TBCK: variants seen among roughly 807,000 people sequenced by gnomAD.
TBCK encodes TBC domain-containing protein kinase-like protein.
A neutral mutation model predicts 113.4 loss-of-function variants in TBCK; 99 were observed. The observed-to-expected ratio is 0.87, with a 90% CI of 0.74 to 1.03. The LOEUF is 1.03. Ranked by LOEUF, TBCK falls within the 50% of genes least tolerant of loss-of-function variation. TBCK has a pLI of 0.00. For missense variants in TBCK, 1,045 were observed against 1,061.3 expected, an observed-to-expected ratio of 0.98 and a Z score of 0.21; for synonymous variants, 369 against 370.8, an observed-to-expected ratio of 1.00 and a Z score of 0.05.
At chr4:106,236,952 T>C (rs116744057) in intron 12 of TBCK, 144 bp from the exon 13 acceptor site, 10,119 of 430,344 alleles carry the variant, frequency 0.024, 184 homozygotes, top group Middle Eastern at 0.05. Context: ...AATCAGTTCT[T>C]ACCATAAACA....
chr4:106,208,543 C>A (rs564506864), intron 20 of TBCK, among the ~76,000 whole-genome samples: 1 of 152,148 alleles, frequency 6.6e-6, no homozygotes, highest in African/African-American at 2.4e-5. Flanking sequence ...GAAGACTACC[C>A]AACTTCAGGT....
intron 23 of TBCK, among the ~76,000 whole-genome samples, chr4:106,158,802 A>G (rs1175962518): frequency 2.0e-5 from 3 of 152,170 alleles, no homozygotes; most frequent in Admixed American, 6.6e-5. Flanking sequence ...GTGTAAGCCC[A>G]GCATTACCCT....
At chr4:106,120,185 G>T (rs1257359030) in intron 23 of TBCK, among the ~76,000 whole-genome samples, 1 of 152,178 alleles carries the variant, frequency 6.6e-6, no homozygotes, top group South Asian at 2.1e-4. Context: ...TTCCCTTTCC[G>T]AGTCAAAGAA....
chr4:106,092,733 C>G (rs984853064), intron 25 of TBCK, among the ~76,000 whole-genome samples: 6 of 152,250 alleles, frequency 3.9e-5, no homozygotes, highest in South Asian at 2.1e-4. Context: ...AACTGGCCTG[C>G]AAGCAATGTG....
At chr4:106,206,493 T>C (rs1269012534) in intron 20 of TBCK, among the ~76,000 whole-genome samples, 1 of 152,168 alleles carries the variant, frequency 6.6e-6, no homozygotes, top group Non-Finnish European at 1.5e-5. Context: ...TTTGTACTAA[T>C]GTTGGGGACA....
intron 2 of TBCK, among the ~76,000 whole-genome samples, chr4:106,307,783 T>C (rs1006616994): frequency 6.6e-6 from 1 of 152,116 alleles, no homozygotes; most frequent in African/African-American, 2.4e-5. Context: ...AAAATAATTC[T>C]GAAATAATTA....
Position 106,193,655 on chromosome 4 carries a change from CA to C in TBCK, c.2012del (p.Leu671TrpfsTer24). ...GAATACACTCATTAAAGCCATTAGC[CA>C]AAAGCCGGTCCCGCAGCTGCTGAAG... ...AILQQLRDRLLANGFNECILL... is the reference protein window; with the variant it reads ...AILQQLRDRLXANGFNECILL... On this transcript the variant is annotated frameshift_variant, in exon 22 of 26. Coordinates refer to ENST00000394708, the MANE Select transcript of TBCK (RefSeq NM_001163435.3). LOFTEE classifies it high-confidence loss of function. 6.2e-7 allele frequency: 1 copy of C among 1,613,450 alleles called. No homozygotes were observed. The highest frequency in any genetic ancestry group is 8.5e-7 in the Non-Finnish European group (1 of 1,179,626).
In TBCK at chr4:106,248,924, T is replaced by C. The variant is rs1231043420; in HGVS notation, c.717A>G (p.Ile239Met). Residue 239 changes from isoleucine (I) to methionine (M), a missense_variant, in exon 8 of 26, where the codon ATA becomes ATG. By Grantham distance (10) the Ile-to-Met change is conservative. Coordinates refer to ENST00000394708, the MANE Select transcript of TBCK (RefSeq NM_001163435.3). ...AAGACCCAGATTAATGACAAACCTT[T>C]ATAATGTCCAAACAACCATGCTCTT... ...LAEEHGCLDI[I>M]KELPETVIDL... 3.7e-6 allele frequency: 6 copies of C among 1,606,158 alleles called. No individual in the cohort carries two copies. In the Middle Eastern group the frequency reaches 5.0e-4, roughly 134 times the overall value.
intron 6 of TBCK, among the ~76,000 whole-genome samples, chr4:106,251,400 T>C (rs1467402905): frequency 6.6e-6 from 1 of 151,966 alleles, no homozygotes; most frequent in Non-Finnish European, 1.5e-5. Flanking sequence ...TTGATTTTTT[T>C]TTAATAGAGA....
intron 19 of TBCK, among the ~76,000 whole-genome samples, chr4:106,221,058 A>T (rs1358756036): frequency 4.6e-5 from 7 of 152,246 alleles, no homozygotes; most frequent in Non-Finnish European, 8.8e-5. Context: ...TCTGATAAAA[A>T]TAATTACTAT....
intron 1 of TBCK, among the ~76,000 whole-genome samples, chr4:106,312,826 A>G (rs1481390557): frequency 6.6e-6 from 1 of 152,226 alleles, no homozygotes; most frequent in Non-Finnish European, 1.5e-5. Flanking sequence ...GACACAAAAG[A>G]GTTCATACTG....
rs1734012072 is a variant in TBCK at position 106,044,111 on chromosome 4, C to T, written c.*2459G>A. Reference sequence around the variant, plus strand: ...GCAAAATCATGACAGAGGGTTGCTACTATTATCTTCTTACATAGCTCTCTT... The same window carrying T: ...GCAAAATCATGACAGAGGGTTGCTATTATTATCTTCTTACATAGCTCTCTT... On this transcript the variant is annotated 3_prime_UTR_variant, in exon 26 of 26. Transcript: ENST00000394708. 6.7e-6 allele frequency: 1 copy of T among 149,972 alleles called. No homozygotes were observed. Among genetic ancestry groups the T allele is most frequent in the Non-Finnish European group, 1.5e-5 (1 of 66,684 alleles). 9.3% of individuals were successfully genotyped at this position (149,972 alleles called of 1,614,324 possible). A position where few individuals can be genotyped will look rare whatever the true frequency, so the allele number is the denominator to read the frequency against.
chr4:106,241,495 C>G (rs1760135950), intron 12 of TBCK, among the ~76,000 whole-genome samples: 1 of 151,830 alleles, frequency 6.6e-6, no homozygotes, highest in Non-Finnish European at 1.5e-5. Context: ...ATCAACAGTT[C>G]ACATAAAACT....
rs1579325724 is a variant in TBCK at position 106,230,275 on chromosome 4, CA to C, written c.1774+87del. 6.1e-6 allele frequency: 5 copies of C among 825,568 alleles called. 1 individual carries two copies. In the East Asian group the frequency reaches 1.4e-4, roughly 24 times the overall value. 51.1% of individuals were successfully genotyped at this position (825,568 alleles called of 1,614,324 possible). On this transcript the variant is annotated intron_variant, in intron 19 of 25. Transcript: ENST00000394708. ...TGGACCATCATCGTATTTTTGGGGTCAAAATCTTAAATTTAATCAAATATTA... is the reference window on the plus strand; with the variant it reads ...TGGACCATCATCGTATTTTTGGGGTCAAATCTTAAATTTAATCAAATATTA...
chr4:106,222,829 G>T (rs1757849172), intron 19 of TBCK, among the ~76,000 whole-genome samples: 1 of 151,792 alleles, frequency 6.6e-6, no homozygotes, highest in Non-Finnish European at 1.5e-5. Flanking sequence ...ATCTAGTAAA[G>T]GCACAAAAAA....
rs548762437 is a variant in TBCK, at chr4:106,260,077, A to C, written c.455+360T>G. Among the ~76,000 whole-genome samples the C allele has an allele frequency of 2.6e-5, 4 of 152,064 alleles. No individual in the cohort carries two copies. The South Asian group carries it at 8.3e-4, about 31-fold the overall frequency. ...TTAAATTGAAAATAATGTGAGAGTG[A>C]TGTTTTTCAGTCTCTTGATGCACAC... On this transcript the variant is annotated intron_variant, in intron 5 of 25. Coordinates refer to ENST00000394708, the MANE Select transcript of TBCK (RefSeq NM_001163435.3).
At chr4:106,275,517 T>C (rs1256929457) in intron 3 of TBCK, among the ~76,000 whole-genome samples, 5 of 152,136 alleles carry the variant, frequency 3.3e-5, no homozygotes, top group African/African-American at 4.8e-5. Flanking sequence ...GTTGTTTATG[T>C]AGAAAATCCT....
At chr4:106,187,017 T>C (rs566611349) in intron 22 of TBCK, among the ~76,000 whole-genome samples, 3 of 152,308 alleles carry the variant, frequency 2.0e-5, no homozygotes, top group Admixed American at 2.0e-4. Flanking sequence ...CTGCTTATTT[T>C]TGTCAACTTT....
At chr4:106,198,729 C>A (rs180779935) in intron 20 of TBCK, among the ~76,000 whole-genome samples, 3 of 152,180 alleles carry the variant, frequency 2.0e-5, no homozygotes, top group Non-Finnish European at 2.9e-5. Flanking sequence ...TATTCATTCA[C>A]TCTTTCATTC....
Sources: gnomAD v4.1 joint callset for allele counts (sites outside exome capture counted in the v4.1 genomes callset) on GRCh38, gnomAD v4.1.1 for gene constraint, MANE v1.5 for transcripts, NCBI Gene and HGNC (gene_info 2026-07-23, HGNC 2026-07-21) for gene names.